TMPRSS15: variants seen among roughly 807,000 people sequenced by gnomAD.
TMPRSS15 encodes enteropeptidase.
Under a neutral mutation model 125.3 loss-of-function variants are expected in TMPRSS15, and 128 were observed. The observed-to-expected ratio is 1.02, with a 90% CI of 0.89 to 1.18. TMPRSS15 has a LOEUF of 1.18. Ranked by LOEUF, TMPRSS15 falls within the 50% of genes most tolerant of loss-of-function variation. TMPRSS15 has a pLI of 0.00. For synonymous variants in TMPRSS15, 446 were observed against 423.2 expected, an observed-to-expected ratio of 1.05 and a Z score of -0.66; for missense variants, 1,283 against 1,212.7, an observed-to-expected ratio of 1.06 and a Z score of -0.86.
chr21:18,423,288 T>C lies in TMPRSS15; in HGVS notation c.11-24959A>G, dbSNP rs1229456834. 2.6e-5 allele frequency among the ~76,000 whole-genome samples: 4 copies of C among 152,190 alleles called. No homozygotes were observed. In the South Asian group the frequency reaches 8.3e-4, roughly 31 times the overall value. On this transcript the variant is annotated intron_variant, in intron 1 of 7. Transcript: ENST00000422787. Reference sequence around the variant, plus strand: ...GGCAGCAGCCTGCTATAGATTTCGCTGTCTCTTGTCCTTGATTCCTTGTTA... The same window carrying C: ...GGCAGCAGCCTGCTATAGATTTCGCCGTCTCTTGTCCTTGATTCCTTGTTA...
chr21:18,342,123 A>G (rs1222979091), intron 12 of TMPRSS15, among the ~76,000 whole-genome samples: 1 of 152,114 alleles, frequency 6.6e-6, no homozygotes, highest in Non-Finnish European at 1.5e-5. Flanking sequence ...GAGGACACAG[A>G]ACGAGATTTG....
In TMPRSS15 at chr21:18,315,809, G is replaced by A. The variant is rs78331124; in HGVS notation, c.1922-553C>T. On this transcript the variant is annotated intron_variant, in intron 16 of 24. Coordinates refer to ENST00000284885, the MANE Select transcript of TMPRSS15 (RefSeq NM_002772.3). The stretch of plus-strand genomic sequence containing the variant: ...GTATACACATGTAACAAACCTGCAC[G>A]TTGTGCACGTGTACCCTAGAACTTA... Among the ~76,000 whole-genome samples, 603 of 144,788 alleles carry A rather than the reference G, an allele frequency of 4.2e-3. 20 individuals are homozygous for A. In the East Asian group the frequency reaches 0.085, roughly 20 times the overall value. 95.0% of individuals were successfully genotyped at this position (144,788 alleles called of 152,430 possible).
chr21:18,274,711 G>A (rs1336082682), intron 24 of TMPRSS15, among the ~76,000 whole-genome samples: 1 of 152,156 alleles, frequency 6.6e-6, no homozygotes, highest in Non-Finnish European at 1.5e-5. Flanking sequence ...AGGCTATGCA[G>A]GTTTTCATCA....
intron 1 of TMPRSS15, among the ~76,000 whole-genome samples, chr21:18,400,422 G>C (rs2076084295): frequency 6.6e-6 from 1 of 152,082 alleles, no homozygotes; most frequent in East Asian, 1.9e-4. Context: ...GTAAAGTAAA[G>C]CTACACATCT....
intron 24 of TMPRSS15, 90 bp from the exon 25 acceptor site, chr21:18,270,214 A>G: frequency 1.8e-6 from 2 of 1,141,294 alleles, no homozygotes; most frequent in Non-Finnish European, 2.5e-6. Flanking sequence ...ATTAAAAAAT[A>G]AAAATTAATT....
At chr21:18,272,962 A>G (rs185802698) in intron 24 of TMPRSS15, among the ~76,000 whole-genome samples, 99 of 152,276 alleles carry the variant, frequency 6.5e-4, no homozygotes, top group African/African-American at 2.2e-3. Context: ...AATCTCCTGG[A>G]AGATGTGACA....
intron 16 of TMPRSS15, among the ~76,000 whole-genome samples, chr21:18,324,285 C>T (rs1173649820): frequency 6.6e-6 from 1 of 152,158 alleles, no homozygotes; most frequent in Non-Finnish European, 1.5e-5. Context: ...TACAGACTCT[C>T]ATATGTTTCT....
At chr21:18,400,843 A>G (rs1339248996) in intron 1 of TMPRSS15, among the ~76,000 whole-genome samples, 1 of 152,206 alleles carries the variant, frequency 6.6e-6, no homozygotes, top group Non-Finnish European at 1.5e-5. Flanking sequence ...GACAAGGTCT[A>G]ATATCCCGAA....
chr21:18,396,738 C>A (rs1177810031), intron 3 of TMPRSS15, among the ~76,000 whole-genome samples: 2 of 147,278 alleles, frequency 1.4e-5, no homozygotes, highest in African/African-American at 5.0e-5. Context: ...CACGCCAGTG[C>A]ACTCCAGCCT....
intron 14 of TMPRSS15, 147 bp downstream of exon 14, chr21:18,331,937 T>G: frequency 1.4e-6 from 1 of 702,484 alleles, no homozygotes; most frequent in East Asian, 2.7e-5. Flanking sequence ...TATTGTTATT[T>G]TTGTTGTTAT....
intron 1 of TMPRSS15, among the ~76,000 whole-genome samples, chr21:18,466,385 T>C (rs1978660928): frequency 6.6e-6 from 1 of 151,176 alleles, no homozygotes; most frequent in East Asian, 1.9e-4. Flanking sequence ...CCAAAAGCAA[T>C]GGAAACAAAA....
chr21:18,365,307 C>A (rs2075716536), intron 6 of TMPRSS15, 59 bp from the exon 7 acceptor site: 3 of 1,288,774 alleles, frequency 2.3e-6, no homozygotes, highest in Non-Finnish European at 3.4e-6. Context: ...AAATTGGCTG[C>A]AAAACATTTC....
intron 13 of TMPRSS15, among the ~76,000 whole-genome samples, chr21:18,339,936 C>T (rs1267732205): frequency 3.9e-5 from 6 of 152,138 alleles, no homozygotes; most frequent in Admixed American, 1.3e-4. Context: ...CGATTTGGTT[C>T]TTTTGACTTA....
chr21:18,395,301 G>A (rs1258105856), intron 3 of TMPRSS15, among the ~76,000 whole-genome samples: 1 of 152,158 alleles, frequency 6.6e-6, no homozygotes, highest in Non-Finnish European at 1.5e-5. Context: ...AAAATTAGTA[G>A]TAGAGGACAG....
chr21:18,282,426 C>T (rs1164258017), intron 21 of TMPRSS15, among the ~76,000 whole-genome samples: 1 of 152,184 alleles, frequency 6.6e-6, no homozygotes, highest in Non-Finnish European at 1.5e-5. Context: ...CAATTCTTAA[C>T]AGTCGCAAAT....
chr21:18,283,651 A>G (rs1268891336), intron 21 of TMPRSS15, among the ~76,000 whole-genome samples: 4 of 152,088 alleles, frequency 2.6e-5, no homozygotes, highest in Admixed American at 6.6e-5. Context: ...AGGACATGTC[A>G]TTATTAAAAA....
At chr21:18,475,283 G>T (rs1053293789) in intron 1 of TMPRSS15, among the ~76,000 whole-genome samples, 1 of 152,054 alleles carries the variant, frequency 6.6e-6, no homozygotes, top group Non-Finnish European at 1.5e-5. Context: ...TCTATCATTA[G>T]AATGTCAGAT....
chr21:18,365,643 T>TTCC (rs2075724370), intron 6 of TMPRSS15, among the ~76,000 whole-genome samples: 2 of 26,776 alleles, frequency 7.5e-5, no homozygotes, highest in Non-Finnish European at 1.7e-4. Flanking sequence ...TCTCTCTCTT[T>TTCC]TTCCTCCCTT....
chr21:18,463,657 C>T (rs2123276760), intron 1 of TMPRSS15, among the ~76,000 whole-genome samples: 1 of 152,268 alleles, frequency 6.6e-6, no homozygotes, highest in African/African-American at 2.4e-5. Flanking sequence ...TTCCTCTCAG[C>T]ACCACATCAC....
Sources: gnomAD v4.1 joint callset for allele counts (sites outside exome capture counted in the v4.1 genomes callset) on GRCh38, gnomAD v4.1.1 for gene constraint, MANE v1.5 for transcripts, NCBI Gene and HGNC (gene_info 2026-07-23, HGNC 2026-07-21) for gene names.